The following SV2C variants were observed in gnomAD, a reference collection of about 807,000 sequenced individuals.
SV2C encodes solute carrier family 22 member B3.
SV2C carries 49 observed loss-of-function variants against 79.7 expected under a neutral mutation model. The observed-to-expected ratio is 0.61, with a 90% CI of 0.49 to 0.78. SV2C has a LOEUF of 0.78. SV2C is among the 30% of genes least tolerant of loss of function. The probability of loss-of-function intolerance (pLI) is 0.00; values close to 1 mark genes in which losing one functional copy is unlikely to be tolerated. For missense variants in SV2C, 833 were observed against 912.9 expected, an observed-to-expected ratio of 0.91 and a Z score of 1.13; for synonymous variants, 334 against 333.2, an observed-to-expected ratio of 1.00 and a Z score of -0.03.
rs765836944 is a variant in SV2C, at chr5:76,325,578, T to A, written c.*31T>A. ...AAAAAAGCCATCCTTCCTGCGTTTC[T>A]TCCTCCTGCCCTGGGTCAATTCTCC... On this transcript the variant is annotated 3_prime_UTR_variant, in exon 13 of 13. Transcript: ENST00000502798. The A allele has an allele frequency of 3.7e-6, 6 of 1,611,178 alleles. No individual in the cohort carries two copies. The South Asian group carries it at 6.6e-5, about 18-fold the overall frequency.
chr5:76,040,989 A>G, the SV2C span, among the ~76,000 whole-genome samples: 1 of 152,052 alleles, frequency 6.6e-6, no homozygotes, highest in Admixed American at 6.5e-5. Context: ...AGTCTGAGGA[A>G]CTGCAGTGTG....
intron 2 of SV2C, among the ~76,000 whole-genome samples, chr5:76,172,113 G>A (rs1315792967): frequency 3.0e-5 from 1 of 33,696 alleles, no homozygotes; most frequent in African/African-American, 2.4e-4. Context: ...GGAGGGAGGT[G>A]GGGGGGTCAG....
At chr5:76,189,492 T>G (rs771528655) in intron 2 of SV2C, among the ~76,000 whole-genome samples, 3 of 152,200 alleles carry the variant, frequency 2.0e-5, no homozygotes, top group Non-Finnish European at 4.4e-5. Flanking sequence ...CCCCCTTACC[T>G]GACTAAATCA....
chr5:76,031,485 TC>T, the SV2C span, among the ~76,000 whole-genome samples: 2 of 152,330 alleles, frequency 1.3e-5, no homozygotes, highest in Non-Finnish European at 1.5e-5. Flanking sequence ...CAGGGGCTGC[TC>T]CCAGGCCCAG....
the SV2C span, chr5:75,921,497 C>T: frequency 6.2e-6 from 5 of 801,448 alleles, no homozygotes; most frequent in Admixed American, 6.9e-5. Flanking sequence ...ACTTAGGGTT[C>T]TTGCAATGGC....
intron 2 of SV2C, among the ~76,000 whole-genome samples, chr5:76,138,458 T>C (rs1749139246): frequency 6.6e-6 from 1 of 152,216 alleles, no homozygotes; most frequent in African/African-American, 2.4e-5. Context: ...TAATCACCTG[T>C]TGAACTTTTC....
intron 2 of SV2C, among the ~76,000 whole-genome samples, chr5:76,159,832 A>G (rs968175773): frequency 4.6e-5 from 7 of 152,130 alleles, no homozygotes. Context: ...TTAATACTCC[A>G]ACATATCTTT....
chr5:76,006,763 G>T, the SV2C span, among the ~76,000 whole-genome samples: 1 of 150,978 alleles, frequency 6.6e-6, no homozygotes, highest in Non-Finnish European at 1.5e-5. Flanking sequence ...ATAATCGCTG[G>T]TCTACATTCC....
the SV2C span, among the ~76,000 whole-genome samples, chr5:75,956,827 A>T: frequency 6.6e-6 from 1 of 152,090 alleles, no homozygotes; most frequent in African/African-American, 2.4e-5. Flanking sequence ...CCACTGGTAG[A>T]GATAGCAGCT....
At position 76,327,626 on chromosome 5, in the gene SV2C, A is replaced by C. The variant is rs1749051415; in HGVS notation, c.*2079A>C. 6.6e-6 allele frequency: 1 copy of C among 152,220 alleles called. No individual in the cohort carries two copies. The highest frequency in any genetic ancestry group is 2.1e-4 in the South Asian group (1 of 4,832). 9.4% of individuals were successfully genotyped at this position (152,220 alleles called of 1,614,324 possible). On this transcript the variant is annotated 3_prime_UTR_variant, in exon 13 of 13. Transcript: ENST00000502798. ...TTTTAGTTGAATGCAGCATGTGCAG[A>C]AATAACTGCAAAAGCCAGGAGTGCA...
the SV2C span, among the ~76,000 whole-genome samples, chr5:75,920,236 A>G: frequency 6.6e-6 from 1 of 152,192 alleles, no homozygotes; most frequent in Non-Finnish European, 1.5e-5. Flanking sequence ...AGGATGTGGT[A>G]CTGACTTCAT....
chr5:76,035,802 G>T, the SV2C span, among the ~76,000 whole-genome samples: 5 of 151,996 alleles, frequency 3.3e-5, no homozygotes, highest in South Asian at 4.2e-4. Context: ...GGGTATCCTT[G>T]TTGACTTTCT....
At chr5:76,257,112 T>C (rs1050604074) in intron 4 of SV2C, among the ~76,000 whole-genome samples, 1 of 134,298 alleles carries the variant, frequency 7.4e-6, no homozygotes, top group African/African-American at 2.5e-5. Flanking sequence ...GCCGTAAACT[T>C]CCAGAGCCAC....
At chr5:76,348,802 C>T (rs1248338108) in intron 12 of SV2C, among the ~76,000 whole-genome samples, 1 of 151,706 alleles carries the variant, frequency 6.6e-6, no homozygotes, top group Non-Finnish European at 1.5e-5. Context: ...AGTTCAAGAC[C>T]AGCCTGGCCA....
the SV2C span, among the ~76,000 whole-genome samples, chr5:75,932,623 C>T: frequency 2.6e-5 from 4 of 152,242 alleles, no homozygotes; most frequent in South Asian, 2.1e-4. Context: ...CAGCCTCTGG[C>T]TGATTATCTG....
At chr5:75,969,136 G>C in the SV2C span, among the ~76,000 whole-genome samples, 1 of 152,120 alleles carries the variant, frequency 6.6e-6, no homozygotes, top group Admixed American at 6.5e-5. Flanking sequence ...GAGAGATTTT[G>C]TCACCACCAG....
chr5:75,914,735 C>A, the SV2C span, among the ~76,000 whole-genome samples: 7 of 152,168 alleles, frequency 4.6e-5, no homozygotes, highest in African/African-American at 1.7e-4. Flanking sequence ...TAATGATAGT[C>A]AACATGTAAT....
chr5:76,033,856 G>A, the SV2C span, among the ~76,000 whole-genome samples: 38 of 151,466 alleles, frequency 2.5e-4, no homozygotes, highest in Non-Finnish European at 4.0e-4. Context: ...CCATTTTCAC[G>A]ATATTGATTC....
the SV2C span, among the ~76,000 whole-genome samples, chr5:75,960,196 A>T: frequency 6.6e-6 from 1 of 152,020 alleles, no homozygotes; most frequent in Non-Finnish European, 1.5e-5. Flanking sequence ...TTTCTTTGTT[A>T]TAACCCTATT....
Sources: gnomAD v4.1 joint callset for allele counts (sites outside exome capture counted in the v4.1 genomes callset) on GRCh38, gnomAD v4.1.1 for gene constraint, MANE v1.5 for transcripts, NCBI Gene and HGNC (gene_info 2026-07-23, HGNC 2026-07-21) for gene names.